Variants in USP34 observed in about 807,000 individuals in gnomAD.
The protein encoded by USP34 is ubiquitin specific peptidase 34.
Under a neutral mutation model 460.3 loss-of-function variants are expected in USP34, and 70 were observed. That is an observed-to-expected ratio of 0.15 (90% CI 0.13 to 0.19). The LOEUF (loss-of-function observed/expected upper bound fraction) is 0.19. Ranked by LOEUF, USP34 falls within the 10% of genes least tolerant of loss-of-function variation. USP34 has a pLI of 1.00. For synonymous variants in USP34, 1,647 were observed against 1,405.3 expected (o/e 1.17, Z -3.85); for missense variants, 3,985 against 4,236.2 (o/e 0.94, Z 1.65).
intron 43 of USP34, among the ~76,000 whole-genome samples, chr2:61,262,511 G>A (rs1558497622): frequency 6.6e-6 from 1 of 151,914 alleles, no homozygotes; most frequent in Non-Finnish European, 1.5e-5. Context: ...CAAAAGACAT[G>A]GTCTTGTTCT....
intron 48 of USP34, among the ~76,000 whole-genome samples, chr2:61,249,082 T>C (rs1572870234): frequency 6.6e-6 from 1 of 152,248 alleles, no homozygotes; most frequent in Non-Finnish European, 1.5e-5. Flanking sequence ...CAGCAAGAGA[T>C]TAACAAGTAT....
In USP34 at chr2:61,188,596, T is replaced by C. The variant is rs780376216; in HGVS notation, c.10147A>G (p.Thr3383Ala). ...CTGGTCTCATTGTCAGAAGTGCTCG[T>C]TGGGGTCAGGACCTCCCTGGTTTCT... Reference protein sequence around the residue: ...KTETREVLTPTSTSDNETRDS... With the variant: ...KTETREVLTPASTSDNETRDS... Residue 3383 changes from threonine (T) to alanine (A), a missense_variant, in exon 80 of 80, where the codon ACG becomes GCG. Around this residue, in one of 14 missense-constraint regions of USP34, gnomAD observed 506 missense variants for 439.0 expected, o/e 1.15. Transcript: ENST00000398571. 5.6e-6 allele frequency: 9 copies of C among 1,614,224 alleles called. No homozygotes were observed. The highest frequency in any genetic ancestry group is 4.4e-5 in the South Asian group (4 of 91,082).
At chr2:61,378,477 A>T in intron 7 of USP34, 53 bp from the exon 8 acceptor site, 1 of 1,238,540 alleles carries the variant, frequency 8.1e-7, no homozygotes, top group Non-Finnish European at 1.2e-6. Context: ...TTATTCTTGC[A>T]TTTGTCAGCA....
At chr2:61,435,428 G>A (rs1021885510) in intron 1 of USP34, among the ~76,000 whole-genome samples, 1 of 150,488 alleles carries the variant, frequency 6.6e-6, no homozygotes, top group African/African-American at 2.4e-5. Context: ...GGCAAGGAGT[G>A]AATGGGATTA....
At chr2:61,333,615 G>A (rs1691335013) in intron 19 of USP34, among the ~76,000 whole-genome samples, 1 of 152,006 alleles carries the variant, frequency 6.6e-6, no homozygotes, top group South Asian at 2.1e-4. Context: ...TGCTGTAGCT[G>A]CATACGCTAA....
chr2:61,248,051 G>A (rs1484117221), intron 49 of USP34, among the ~76,000 whole-genome samples: 1 of 152,022 alleles, frequency 6.6e-6, no homozygotes, highest in Non-Finnish European at 1.5e-5. Context: ...GCTGGGCCTG[G>A]TGGTGCGTGC....
intron 75 of USP34, among the ~76,000 whole-genome samples, chr2:61,197,421 T>G (rs1686841626): frequency 2.0e-5 from 3 of 152,198 alleles, no homozygotes. Flanking sequence ...GATTATATAA[T>G]CCTCTCAAAT....
chr2:61,304,140 C>T (rs988770555), intron 27 of USP34, among the ~76,000 whole-genome samples: 5 of 152,098 alleles, frequency 3.3e-5, no homozygotes, highest in South Asian at 4.1e-4. Flanking sequence ...GCAAATGATC[C>T]GCCTGCCTTG....
At chr2:61,382,027 A>G (rs1228572978) in intron 6 of USP34, among the ~76,000 whole-genome samples, 2 of 152,194 alleles carry the variant, frequency 1.3e-5, no homozygotes, top group East Asian at 1.9e-4. Context: ...AGTATTATTG[A>G]TTTTATTTTC....
intron 53 of USP34, among the ~76,000 whole-genome samples, chr2:61,236,896 G>C (rs967213888): frequency 3.3e-5 from 5 of 152,096 alleles, no homozygotes; most frequent in African/African-American, 1.2e-4. Context: ...TTACATTTTT[G>C]TCAGTTCTAT....
chr2:61,394,688 T>C (rs1418343294), intron 5 of USP34, among the ~76,000 whole-genome samples, 165 bp downstream of exon 5: 1 of 152,100 alleles, frequency 6.6e-6, no homozygotes, highest in Non-Finnish European at 1.5e-5. Flanking sequence ...AATTCTAATC[T>C]TAATAATAAA....
At chr2:61,370,833 TG>T (rs1199613418) in intron 8 of USP34, among the ~76,000 whole-genome samples, 3 of 152,192 alleles carry the variant, frequency 2.0e-5, no homozygotes, top group African/African-American at 4.8e-5. Flanking sequence ...AGTACACAAG[TG>T]TAACACTGAT....
chr2:61,231,756 G>A (rs376237848), intron 58 of USP34, among the ~76,000 whole-genome samples: 7 of 151,830 alleles, frequency 4.6e-5, no homozygotes, highest in South Asian at 4.2e-4. Context: ...TGGTGTGTGC[G>A]TGTAGTCCTA....
chr2:61,224,254 C>A (rs1219237645), intron 62 of USP34, among the ~76,000 whole-genome samples: 1 of 152,186 alleles, frequency 6.6e-6, no homozygotes, highest in South Asian at 2.1e-4. Context: ...TGCAATTTAT[C>A]TGTTGAAGGT....
chr2:61,243,093 G>C (rs187609460), intron 51 of USP34, among the ~76,000 whole-genome samples: 1 of 151,920 alleles, frequency 6.6e-6, no homozygotes, highest in Non-Finnish European at 1.5e-5. Flanking sequence ...CAATCCGCCC[G>C]CCTCAGCCTC....
At position 61,356,443 on chromosome 2, in the gene USP34, T is replaced by C. The variant is rs1029433049; in HGVS notation, c.1252-5750A>G. On this transcript the variant is annotated intron_variant, in intron 10 of 79. Coordinates refer to ENST00000398571, the MANE Select transcript of USP34 (RefSeq NM_014709.4). ...AGGTCAAGGTTGCAGTGAGCCATAATTGTGCCACAGCACTCCAGCCTGGGT... is the reference window on the plus strand; with the variant it reads ...AGGTCAAGGTTGCAGTGAGCCATAACTGTGCCACAGCACTCCAGCCTGGGT... 1.5e-4 allele frequency among the ~76,000 whole-genome samples: 23 copies of C among 151,586 alleles called. No homozygotes were observed. In the East Asian group the frequency reaches 3.3e-3, roughly 22 times the overall value.
intron 51 of USP34, 58 bp downstream of exon 51, chr2:61,245,149 TATG>T: frequency 7.7e-7 from 1 of 1,290,826 alleles, no homozygotes; most frequent in Non-Finnish European, 1.1e-6. Flanking sequence ...TATTGGATTT[TATG>T]ATATGACAAA....
chr2:61,365,187 G>A (rs1454572741), intron 10 of USP34, among the ~76,000 whole-genome samples: 2 of 151,338 alleles, frequency 1.3e-5, no homozygotes, highest in African/African-American at 4.9e-5. Flanking sequence ...GGGAGGGAGA[G>A]GTTGCAGTAA....
Position 61,314,757 on chromosome 2 carries a change from T to C in USP34, c.3383-13A>G, listed in dbSNP as rs1261269641. On this transcript the variant is annotated splice_polypyrimidine_tract_variant and intron_variant, in intron 24 of 79. Coordinates refer to ENST00000398571, the MANE Select transcript of USP34 (RefSeq NM_014709.4). ...AAACCTGTTTTACCTGAAAGCCAAA[T>C]GTTTAGACACATATATTAGCCTTAT... 23 of 1,575,596 alleles carry C rather than the reference T, an allele frequency of 1.5e-5. No individual in the cohort carries two copies. Among genetic ancestry groups the C allele is most frequent in the Non-Finnish European group, 1.9e-5 (22 of 1,165,646 alleles).
Sources: allele counts gnomAD v4.1 joint callset (sites outside exome capture counted in the v4.1 genomes callset), GRCh38; gene constraint gnomAD v4.1.1; regional missense constraint gnomAD v4.1.1; transcripts MANE v1.5; gene names NCBI Gene and HGNC (gene_info 2026-07-23, HGNC 2026-07-21).